PUS1: variants seen among roughly 807,000 people sequenced by gnomAD.
PUS1 encodes pseudouridine synthase 1, also known as pseudouridylate synthase 1 homolog.
PUS1 carries 25 observed loss-of-function variants against 38.5 expected under a neutral mutation model. The ratio of observed to expected loss-of-function variants is 0.65; its 90% CI spans 0.47 to 0.91. PUS1 has a LOEUF of 0.91. PUS1 is among the 40% of genes least tolerant of loss of function. The pLI is 0.00. For synonymous variants in PUS1, 282 were observed against 260.4 expected (o/e 1.08, Z -0.80); for missense variants, 597 against 612.3 (o/e 0.97, Z 0.26).
rs1282186330 is a variant in PUS1, at chr12:131,941,952, C to T, written c.1205C>T (p.Thr402Ile). 3.7e-6 allele frequency: 6 copies of T among 1,613,014 alleles called. No individual in the cohort carries two copies. Among genetic ancestry groups the T allele is most frequent in the East Asian group, 4.5e-5 (2 of 44,888 alleles). ...TTGCCCATCCACAACTTCAGTGCCA[C>T]CGCTCTCACGGCAGGTGGCACGGGC... ...STLPIHNFSA[T>I]ALTAGGTGAK... is the part of the protein sequence containing the mutation. The change falls in exon 5 of 6, where the codon ACC becomes ATC. Residue 402 changes from threonine to isoleucine, a missense_variant. By Grantham distance (89) the Thr-to-Ile change is moderately conservative. Transcript: ENST00000376649. This position sits in a 1 kb window ranked among gnomAD's most constrained non-coding sequence, Gnocchi z 4.4.
In PUS1 at chr12:131,941,840, G is replaced by T; in HGVS notation, c.1093G>T (p.Val365Phe). 1 of 1,614,062 alleles carries T rather than the reference G, an allele frequency of 6.2e-7. No homozygotes were observed. The highest frequency in any genetic ancestry group is 8.5e-7 in the Non-Finnish European group (1 of 1,180,022). ...PLDWAQEEGK[V>F]AAFKEEHIYP... ...GGACTGGGCGCAGGAGGAAGGAAAGGTCGCAGCCTTCAAGGAGGAGCACAT... is the reference window on the plus strand; with the variant it reads ...GGACTGGGCGCAGGAGGAAGGAAAGTTCGCAGCCTTCAAGGAGGAGCACAT... Residue 365 changes from valine (V) to phenylalanine (F), a missense_variant, in exon 5 of 6, where the codon GTC becomes TTC. Coordinates refer to ENST00000376649, the MANE Select transcript of PUS1 (RefSeq NM_025215.6). This position sits in a 1 kb window ranked among gnomAD's most constrained non-coding sequence, Gnocchi z 4.4.
chr12:131,941,719 C>A lies in PUS1; in HGVS notation c.972C>A (p.Asp324Glu). Residue 324 changes from aspartate (D) to glutamate (E), a missense_variant, in exon 5 of 6, where the codon GAC becomes GAA. By Grantham distance (45) the Asp-to-Glu change is conservative. Coordinates refer to ENST00000376649, the MANE Select transcript of PUS1 (RefSeq NM_025215.6). This position sits in a 1 kb window ranked among gnomAD's most constrained non-coding sequence, Gnocchi z 4.4. ...GCAGCTGGGGCACAGAGAAGGTGGA[C>A]GTGCCCAAGGCGCCCGGACTCGGCC... ...LERSWGTEKV[D>E]VPKAPGLGLV... is the part of the protein sequence containing the mutation. The A allele has an allele frequency of 6.2e-7, 1 of 1,614,138 alleles. No individual in the cohort carries two copies. The highest frequency in any genetic ancestry group is 8.5e-7 in the Non-Finnish European group (1 of 1,180,018).
Position 131,930,142 on chromosome 12 carries a change from C to G in PUS1, c.303+7C>G. ...GGGCTACCACGGCATGCAGGTGTGG[C>G]CGCCCGGGAAGCGGCAGGTCCCGCG... On this transcript the variant is annotated splice_region_variant and intron_variant, in intron 2 of 5. Transcript: ENST00000376649. 1 of 1,420,494 alleles carries G rather than the reference C, an allele frequency of 7.0e-7. No individual in the cohort carries two copies. Among genetic ancestry groups the G allele is most frequent in the Non-Finnish European group, 9.2e-7 (1 of 1,088,590 alleles). The allele number at this position is 1,420,494 out of a possible 1,614,324, so 88.0% of individuals were successfully genotyped here.
chr12:131,929,982 C>T lies in PUS1; in HGVS notation c.150C>T (p.Ser50=), dbSNP rs772402413. The T allele has an allele frequency of 3.3e-6, 5 of 1,496,218 alleles. No individual in the cohort carries two copies. Among genetic ancestry groups the T allele is most frequent in the Middle Eastern group, 1.9e-4 (1 of 5,346 alleles). 92.7% of individuals were successfully genotyped at this position (1,496,218 alleles called of 1,614,324 possible). ...GCCCCCAGGACCGGAGGTCCTGCAG[C>T]GGCCGGGCCGGGGGCGACCGCGTCT... is the stretch of plus-strand genomic sequence containing the variant. ...AACPQDRRSC[S]GRAGGDRVWE... Residue 50 remains serine (S), a synonymous_variant, in exon 2 of 6, where the codon AGC becomes AGT. Coordinates refer to ENST00000376649, the MANE Select transcript of PUS1 (RefSeq NM_025215.6).
chr12:131,932,990 G>A (rs946032056), intron 3 of PUS1, among the ~76,000 whole-genome samples: 6 of 152,056 alleles, frequency 3.9e-5, no homozygotes, highest in African/African-American at 1.4e-4. Flanking sequence ...GGAGGGTAAG[G>A]GGAAGAGCCC....
At position 131,930,381 on chromosome 12, in the gene PUS1, G is replaced by A. The variant is rs182483444; in HGVS notation, c.303+246G>A. 2.6e-5 allele frequency among the ~76,000 whole-genome samples: 4 copies of A among 152,346 alleles called. No homozygotes were observed. In the East Asian group the frequency reaches 7.7e-4, roughly 29 times the overall value. On this transcript the variant is annotated intron_variant, in intron 2 of 5. Transcript: ENST00000376649. The stretch of plus-strand genomic sequence containing the variant: ...ATCTGGGGCGGGGTTCACTTGCTGG[G>A]TGCCTGAGTCCTCATCTTTAGGATG...
At chr12:131,932,742 GC>G in intron 3 of PUS1, 1 of 402,402 alleles carries the variant, frequency 2.5e-6, no homozygotes, top group South Asian at 1.8e-5. Flanking sequence ...TCATTCTGTT[GC>G]CCAGGCTGGA....
chr12:131,942,573 ATT>A (rs905257489), intron 5 of PUS1, among the ~76,000 whole-genome samples: 1 of 151,916 alleles, frequency 6.6e-6, no homozygotes. Flanking sequence ...CGCCCGGCTC[ATT>A]TTTTGTATTT....
chr12:131,930,259 A>G, intron 2 of PUS1, 124 bp downstream of exon 2: 1 of 534,598 alleles, frequency 1.9e-6, no homozygotes, highest in Non-Finnish European at 3.0e-6. Context: ...CGGGTCCGGC[A>G]GGATTTAGGT....
chr12:131,931,117 G>A (rs762479093), intron 2 of PUS1, among the ~76,000 whole-genome samples: 3 of 152,124 alleles, frequency 2.0e-5, no homozygotes, highest in Non-Finnish European at 4.4e-5. Context: ...GCTTAACTTC[G>A]GCAGTTGTTA....
At chr12:131,931,941 AC>A (rs962074129) in intron 2 of PUS1, 5 of 628,160 alleles carry the variant, frequency 8.0e-6, no homozygotes, top group African/African-American at 1.8e-5. Flanking sequence ...GTTCAATCAA[AC>A]CTGTGTTTTG....
rs1891064919 is a variant in PUS1 at position 131,941,505 on chromosome 12, G to T, written c.758G>T (p.Gly253Val). 6 of 1,614,080 alleles carry T rather than the reference G, an allele frequency of 3.7e-6. No individual in the cohort carries two copies. Among genetic ancestry groups the T allele is most frequent in the Non-Finnish European group, 5.1e-6 (6 of 1,179,952 alleles). The part of the protein sequence containing the change: ...HNFHNFTSQK[G>V]PQDPSACRYI... ...TTCCACAATTTCACCTCGCAGAAGG[G>T]GCCGCAGGATCCCAGTGCCTGCCGC... The change falls in exon 5 of 6, where the codon GGG (glycine) becomes GTG (valine). Residue 253 changes from glycine to valine, a missense_variant. Gly to Val is a moderately radical substitution (Grantham distance 109, BLOSUM62 -3). Transcript: ENST00000376649. This position sits in a 1 kb window ranked among gnomAD's most constrained non-coding sequence, Gnocchi z 4.4.
Position 131,939,216 on chromosome 12 carries a change from T to C in PUS1, c.485T>C (p.Leu162Pro). 6.4e-7 allele frequency: 1 copy of C among 1,562,648 alleles called. No individual in the cohort carries two copies. Among genetic ancestry groups the C allele is most frequent in the East Asian group, 2.4e-5 (1 of 41,550 alleles). ...CAGGTGGTATCCCTGAAGGTGTGGCTGATTGACGACATTCTAGAAAAGATC... is the reference window on the plus strand; with the variant it reads ...CAGGTGGTATCCCTGAAGGTGTGGCCGATTGACGACATTCTAGAAAAGATC... ...AGQVVSLKVW[L>P]IDDILEKINS... The change falls in exon 4 of 6, where the codon CTG (leucine) becomes CCG (proline). Residue 162 changes from leucine (L) to proline (P), a missense_variant. Coordinates refer to ENST00000376649, the MANE Select transcript of PUS1 (RefSeq NM_025215.6).
rs1891265101 is a variant in PUS1, at chr12:131,945,816, A to C, written c.*2230A>C. 6.6e-6 allele frequency: 1 copy of C among 152,168 alleles called. No homozygotes were observed. Among genetic ancestry groups the C allele is most frequent in the Non-Finnish European group, 1.5e-5 (1 of 68,046 alleles). The allele number at this position is 152,168 out of a possible 1,614,324, so 9.4% of individuals were successfully genotyped here. ...CCGGCCTGGGTGACCCATTTAAATCACTTTTGATGATCCTGGGGTATGTGA... is the reference window on the plus strand; with the variant it reads ...CCGGCCTGGGTGACCCATTTAAATCCCTTTTGATGATCCTGGGGTATGTGA... On this transcript the variant is annotated 3_prime_UTR_variant, in exon 6 of 6. Coordinates refer to ENST00000376649, the MANE Select transcript of PUS1 (RefSeq NM_025215.6).
rs139335343 is a variant in PUS1, at chr12:131,941,740, C to T, written c.993C>T (p.Leu331=). The part of the protein sequence containing the change: ...EKVDVPKAPG[L]GLVLERVHFE... ...TGGACGTGCCCAAGGCGCCCGGACT[C>T]GGCCTGGTCCTGGAGAGGGTGCACT... The change falls in exon 5 of 6, where the codon CTC becomes CTT. Residue 331 remains leucine (L), a synonymous_variant. Coordinates refer to ENST00000376649, the MANE Select transcript of PUS1 (RefSeq NM_025215.6). The surrounding 1 kb of genome is among the most constrained non-coding windows in gnomAD (Gnocchi z 4.4). 36 of 1,613,986 alleles carry T rather than the reference C, an allele frequency of 2.2e-5. 1 individual carries two copies. Among genetic ancestry groups the T allele is most frequent in the Middle Eastern group, 1.6e-4 (1 of 6,084 alleles).
intron 2 of PUS1, 52 bp from the exon 3 acceptor site, chr12:131,932,123 T>C: frequency 5.1e-6 from 8 of 1,558,220 alleles, no homozygotes; most frequent in Non-Finnish European, 7.0e-6. Context: ...GGCAACATCA[T>C]GGCGACCTCT....
intron 5 of PUS1, among the ~76,000 whole-genome samples, chr12:131,943,163 G>A (rs759984468): frequency 2.6e-5 from 4 of 152,262 alleles, no homozygotes; most frequent in Non-Finnish European, 5.9e-5. Context: ...TAAATACAGC[G>A]CAGGTGCTGA....
chr12:131,929,790 C>G lies in PUS1; in HGVS notation c.68C>G (p.Pro23Arg), dbSNP rs746395752. ...GRWTLRLGPR[P>R]SCSPRMAGNA... Reference sequence around the variant, plus strand: ...TGGACCCTGCGCCTGGGACCGCGTCCGTCCTGGTAATGACCGCGACGCCGG... The same window carrying G: ...TGGACCCTGCGCCTGGGACCGCGTCGGTCCTGGTAATGACCGCGACGCCGG... Residue 23 changes from proline to arginine, a missense_variant, in exon 1 of 6, where the codon CCG becomes CGG. By Grantham distance (103) the Pro-to-Arg change is moderately radical (BLOSUM62 -2). Transcript: ENST00000376649. 11 of 1,588,236 alleles carry G rather than the reference C, an allele frequency of 6.9e-6. No homozygotes were observed. The highest frequency in any genetic ancestry group is 9.4e-6 in the Non-Finnish European group (11 of 1,175,810).
chr12:131,931,539 G>A (rs1481745433), intron 2 of PUS1: 2 of 154,012 alleles, frequency 1.3e-5, no homozygotes, highest in African/African-American at 2.4e-5. Flanking sequence ...GGGATTAAAA[G>A]CATACCTAAT....
Sources: allele counts gnomAD v4.1 joint callset (sites outside exome capture counted in the v4.1 genomes callset), GRCh38; gene constraint gnomAD v4.1.1; non-coding constraint Gnocchi (gnomAD v3.1); transcripts MANE v1.5; gene names NCBI Gene and HGNC (gene_info 2026-07-23, HGNC 2026-07-21).